The following DOK6 variants were observed in gnomAD, a reference collection of about 807,000 sequenced individuals.
DOK6 encodes docking protein 6.
Under a neutral mutation model 44.0 loss-of-function variants are expected in DOK6, and 22 were observed. The ratio of observed to expected loss-of-function variants is 0.50; its 90% confidence interval spans 0.36 to 0.71. The LOEUF (loss-of-function observed/expected upper bound fraction) is 0.71. DOK6 is among the 30% of genes least tolerant of loss of function. DOK6 has a pLI of 0.00. For synonymous variants in DOK6, 166 were observed against 145.5 expected (o/e 1.14, Z -1.01); for missense variants, 340 against 416.4 (o/e 0.82, Z 1.60).
At chr18:69,688,767 C>T (rs1209316695) in intron 4 of DOK6, among the ~76,000 whole-genome samples, 1 of 152,144 alleles carries the variant, frequency 6.6e-6, no homozygotes, top group African/African-American at 2.4e-5. Context: ...AATGATCCAC[C>T]CACCTCAACC....
At chr18:69,561,801 A>G (rs1982839843) in intron 1 of DOK6, among the ~76,000 whole-genome samples, 1 of 152,170 alleles carries the variant, frequency 6.6e-6, no homozygotes, top group Non-Finnish European at 1.5e-5. Context: ...CTACTTTTAT[A>G]ATGAGAGGCC....
intron 2 of DOK6, among the ~76,000 whole-genome samples, chr18:69,596,540 C>T (rs572540382): frequency 1.3e-5 from 2 of 152,240 alleles, no homozygotes; most frequent in South Asian, 2.1e-4. Flanking sequence ...CATCTGACTT[C>T]TCACTAAAAA....
chr18:69,419,954 A>G (rs939145174), intron 1 of DOK6, among the ~76,000 whole-genome samples: 18 of 152,316 alleles, frequency 1.2e-4, no homozygotes, highest in Non-Finnish European at 2.1e-4. Context: ...ATTGATTGCA[A>G]TGTAAAGCCT....
chr18:69,763,606 G>C (rs1979629700), intron 7 of DOK6, among the ~76,000 whole-genome samples: 1 of 152,098 alleles, frequency 6.6e-6, no homozygotes, highest in South Asian at 2.1e-4. Context: ...ATACAGAGAA[G>C]TTGAGGAGGG....
At chr18:69,760,974 C>T (rs1355316430) in intron 7 of DOK6, among the ~76,000 whole-genome samples, 1 of 115,236 alleles carries the variant, frequency 8.7e-6, no homozygotes, top group Non-Finnish European at 1.8e-5. Context: ...TGGGAAGCTG[C>T]TGATCAGTTT....
chr18:69,825,472 G>A (rs559959585), intron 7 of DOK6, among the ~76,000 whole-genome samples: 1 of 103,564 alleles, frequency 9.7e-6, no homozygotes, highest in Admixed American at 1.5e-4. Flanking sequence ...GTCTTGCTCT[G>A]TCACCCAGAC....
intron 5 of DOK6, among the ~76,000 whole-genome samples, chr18:69,722,157 G>C (rs1286265581): frequency 2.0e-5 from 3 of 152,168 alleles, no homozygotes; most frequent in African/African-American, 4.8e-5. Flanking sequence ...TTTGATCACT[G>C]TTTGAAGAGC....
At chr18:69,745,918 A>G (rs1427357482) in intron 6 of DOK6, among the ~76,000 whole-genome samples, 2 of 152,226 alleles carry the variant, frequency 1.3e-5, no homozygotes, top group African/African-American at 4.8e-5. Flanking sequence ...GATATTGGAA[A>G]TTAATTTTAT....
chr18:69,666,038 T>A (rs1985648508), intron 3 of DOK6, among the ~76,000 whole-genome samples: 1 of 152,216 alleles, frequency 6.6e-6, no homozygotes, highest in Non-Finnish European at 1.5e-5. Context: ...GCTTATCATT[T>A]TTATTTTATT....
chr18:69,489,875 C>T (rs933610960), intron 1 of DOK6, among the ~76,000 whole-genome samples: 1 of 148,320 alleles, frequency 6.7e-6, no homozygotes, highest in African/African-American at 2.5e-5. Flanking sequence ...CTCTAAAATA[C>T]ATTAGGAAGA....
chr18:69,744,246 G>A (rs1205343060), intron 6 of DOK6, among the ~76,000 whole-genome samples: 4 of 151,506 alleles, frequency 2.6e-5, no homozygotes, highest in African/African-American at 9.7e-5. Context: ...GGAGGCGGAG[G>A]TTGCAGTGAG....
intron 6 of DOK6, among the ~76,000 whole-genome samples, chr18:69,755,153 GT>G: frequency 6.6e-6 from 1 of 152,326 alleles, no homozygotes; most frequent in African/African-American, 2.4e-5. Context: ...AGAGGGAAGA[GT>G]AGAGAAACAT....
intron 1 of DOK6, among the ~76,000 whole-genome samples, chr18:69,489,860 A>G (rs1157517862): frequency 6.6e-6 from 1 of 151,562 alleles, no homozygotes; most frequent in Non-Finnish European, 1.5e-5. Flanking sequence ...TTTCCAATAT[A>G]TTTCCTCTAA....
chr18:69,669,671 C>A (rs1599253929), intron 3 of DOK6, among the ~76,000 whole-genome samples: 1 of 151,982 alleles, frequency 6.6e-6, no homozygotes, highest in Non-Finnish European at 1.5e-5. Flanking sequence ...CCTTCCCGCA[C>A]CCCCCCGCCG....
intron 5 of DOK6, among the ~76,000 whole-genome samples, chr18:69,728,182 AGAT>A (rs987025313): frequency 6.6e-6 from 1 of 152,344 alleles, no homozygotes; most frequent in African/African-American, 2.4e-5. Context: ...GCCTGCAGCC[AGAT>A]GTAGGCACTG....
At chr18:69,590,093 CT>C (rs1326408386) in intron 2 of DOK6, among the ~76,000 whole-genome samples, 2 of 152,104 alleles carry the variant, frequency 1.3e-5, no homozygotes, top group Admixed American at 1.3e-4. Flanking sequence ...GGAATAATCA[CT>C]TAATAAATGC....
intron 2 of DOK6, among the ~76,000 whole-genome samples, chr18:69,577,027 A>G (rs558784012): frequency 9.9e-5 from 15 of 152,224 alleles, no homozygotes; most frequent in Admixed American, 9.2e-4. Flanking sequence ...ATTGGGACCA[A>G]TCTCACTTCT....
At chr18:69,459,190 TGTGTGTG>T (rs1568264943) in intron 1 of DOK6, among the ~76,000 whole-genome samples, 24 of 1,996 alleles carry the variant, frequency 0.012, no homozygotes, top group East Asian at 0.1. Flanking sequence ...AAATATTTTG[TGTGTGTG>T]TGTGTGTGTG....
At chr18:69,494,858 G>A (rs1161099533) in intron 1 of DOK6, among the ~76,000 whole-genome samples, 1 of 152,168 alleles carries the variant, frequency 6.6e-6, no homozygotes, top group East Asian at 1.9e-4. Context: ...AAACCTCTGT[G>A]GCCAGTGGCA....
Sources: gnomAD v4.1 joint callset for allele counts (sites outside exome capture counted in the v4.1 genomes callset) on GRCh38, gnomAD v4.1.1 for gene constraint, MANE v1.5 for transcripts, NCBI Gene and HGNC (gene_info 2026-07-23, HGNC 2026-07-21) for gene names.